POU2F2: variants seen among roughly 807,000 people sequenced by gnomAD.
The protein encoded by POU2F2 is POU class 2 homeobox 2, also known as POU domain, class 2, transcription factor 2.
POU2F2 carries 14 observed loss-of-function variants against 63.5 expected under a neutral mutation model. The ratio of observed to expected loss-of-function variants is 0.22; its 90% CI spans 0.15 to 0.34. POU2F2 has a LOEUF of 0.34. Ranked by LOEUF, POU2F2 falls within the 10% of genes least tolerant of loss-of-function variation. POU2F2 has a pLI of 1.00. For missense variants in POU2F2, 607 were observed against 815.2 expected, an observed-to-expected ratio of 0.74 and a Z score of 3.11; for synonymous variants, 306 against 348.6, an observed-to-expected ratio of 0.88 and a Z score of 1.36.
chr19:42,097,976 G>A (rs1454126508), intron 7 of POU2F2, among the ~76,000 whole-genome samples: 1 of 152,116 alleles, frequency 6.6e-6, no homozygotes, highest in African/African-American at 2.4e-5. Flanking sequence ...AGGTTTTGTT[G>A]TTGTTGTTGT....
rs371257414 is a variant in POU2F2 at position 42,088,497 on chromosome 19, CT to C, written c.*2759del. ...GGTGGTGAGTCCTGGATTTTCTTTC[CT>C]TTTTTTTTTTTTTTTTTCCTTTTTG... On this transcript the variant is annotated 3_prime_UTR_variant, in exon 15 of 15. Coordinates refer to ENST00000692977, the MANE Select transcript of POU2F2 (RefSeq NM_001394376.1). The C allele has an allele frequency of 0.14, 17,838 of 125,572 alleles. 1,439 individuals carry two copies. Among genetic ancestry groups the C allele is most frequent in the Non-Finnish European group, 0.21 (12,445 of 59,190 alleles). The allele number at this position is 125,572 out of a possible 1,614,324, so 7.8% of individuals were successfully genotyped here.
intron 5 of POU2F2, among the ~76,000 whole-genome samples, chr19:42,103,758 A>G (rs1258155222): frequency 6.7e-6 from 1 of 148,362 alleles, no homozygotes; most frequent in African/African-American, 2.5e-5. Flanking sequence ...TCAGCCTCCC[A>G]AGTAGCTGGG....
chr19:42,133,827 C>G (rs1261375918), upstream of POU2F2, among the ~76,000 whole-genome samples: 1 of 152,192 alleles, frequency 6.6e-6, no homozygotes, highest in Admixed American at 6.5e-5. The surrounding 1 kb of genome is among the most constrained non-coding windows in gnomAD (Gnocchi z 5.1). Flanking sequence ...CACTCACACA[C>G]AGGCACACTC....
At chr19:42,164,161 G>A (rs1276866827) in intron 1 of POU2F2, among the ~76,000 whole-genome samples, 1 of 152,100 alleles carries the variant, frequency 6.6e-6, no homozygotes, top group Non-Finnish European at 1.5e-5. Flanking sequence ...GGGTGTGGTG[G>A]TGCGCCTGTA....
chr19:42,167,033 A>T (rs2034666324), intron 1 of POU2F2, among the ~76,000 whole-genome samples: 1 of 152,210 alleles, frequency 6.6e-6, no homozygotes. Context: ...CTAGGGATAC[A>T]ACTATGAACA....
At chr19:42,143,643 G>A (rs2034173021) in intron 2 of POU2F2, among the ~76,000 whole-genome samples, 1 of 152,048 alleles carries the variant, frequency 6.6e-6, no homozygotes, top group Non-Finnish European at 1.5e-5. Context: ...AAGGGCCCCT[G>A]CCCACCTCAA....
intron 2 of POU2F2, among the ~76,000 whole-genome samples, chr19:42,160,020 T>C (rs748403413): frequency 7.2e-5 from 11 of 152,156 alleles, no homozygotes; most frequent in Middle Eastern, 3.4e-3. Context: ...GATTCGAACA[T>C]AGGTGTGCTT....
chr19:42,144,129 G>A (rs572585626), intron 2 of POU2F2, among the ~76,000 whole-genome samples: 1 of 152,278 alleles, frequency 6.6e-6, no homozygotes, highest in South Asian at 2.1e-4. Context: ...TGGGCTGGAT[G>A]GAGCCCTCTT....
At chr19:42,172,771 T>C (rs368830488) in intron 1 of POU2F2, among the ~76,000 whole-genome samples, 1 of 152,226 alleles carries the variant, frequency 6.6e-6, no homozygotes, top group Non-Finnish European at 1.5e-5. Context: ...CCCACATCCT[T>C]AGAGCCCTCA....
chr19:42,116,975 G>C lies in POU2F2; in HGVS notation c.369+275C>G, dbSNP rs769625434. 5.9e-5 allele frequency: 36 copies of C among 611,270 alleles called. No homozygotes were observed. In the Admixed American group the frequency reaches 8.2e-4, roughly 14 times the overall value. The allele number at this position is 611,270 out of a possible 1,614,324, so 37.9% of individuals were successfully genotyped here. On this transcript the variant is annotated intron_variant, in intron 5 of 14. Coordinates refer to ENST00000692977, the MANE Select transcript of POU2F2 (RefSeq NM_001394376.1). ...TGGGCCTGGGCTTGCTGCAGGAGGAGCTGCTGCTGAGCTGGCATCAGTGCC... is the reference window on the plus strand; with the variant it reads ...TGGGCCTGGGCTTGCTGCAGGAGGACCTGCTGCTGAGCTGGCATCAGTGCC...
chr19:42,138,063 C>A (rs1203347635), intron 2 of POU2F2, among the ~76,000 whole-genome samples: 1 of 152,154 alleles, frequency 6.6e-6, no homozygotes. Context: ...AGTGGGACAC[C>A]TGAGAAGGTT....
chr19:42,192,769 C>T (rs2035087632), intron 1 of POU2F2, among the ~76,000 whole-genome samples: 1 of 152,126 alleles, frequency 6.6e-6, no homozygotes, highest in Non-Finnish European at 1.5e-5. Flanking sequence ...CAATGATAAA[C>T]TGCTACACAT....
intron 2 of POU2F2, among the ~76,000 whole-genome samples, chr19:42,154,679 G>C (rs2034423428): frequency 6.6e-6 from 1 of 152,132 alleles, no homozygotes; most frequent in Admixed American, 6.5e-5. Context: ...TAGTGGTGGA[G>C]GGGAGTTGGT....
rs188974980 is a variant in POU2F2, at chr19:42,147,626, G to T, written c.-9+12706C>A. The stretch of plus-strand genomic sequence containing the variant: ...GGAATGAATGACTTAAATGGATCCT[G>T]CATAGGGACAAGCACCTGAGGCAGA... On this transcript the variant is annotated intron_variant, in intron 2 of 6. Coordinates refer to the POU2F2 transcript ENST00000524801. Among the ~76,000 whole-genome samples the T allele has an allele frequency of 7.2e-5, 11 of 152,330 alleles. No individual in the cohort carries two copies. The East Asian group carries it at 2.1e-3, about 29-fold the overall frequency.
At chr19:42,183,524 C>CTG (rs1473712898) in intron 1 of POU2F2, among the ~76,000 whole-genome samples, 3 of 152,138 alleles carry the variant, frequency 2.0e-5, no homozygotes, top group East Asian at 1.9e-4. Context: ...GGTTACACAA[C>CTG]TGTGTGTGTG....
rs75073466 is a variant in POU2F2 at position 42,156,652 on chromosome 19, A to G, written c.-9+3680T>C. On this transcript the variant is annotated intron_variant, in intron 2 of 6. Coordinates refer to the POU2F2 transcript ENST00000524801. The surrounding 1 kb of genome is among the most constrained non-coding windows in gnomAD (Gnocchi z 4.1). ...AGGGGTGTAATTCAGAAGGAGGCAG[A>G]CTGGGCCTGGGGCATGTGGACAAGT... 15,679 of 152,310 alleles carry G rather than the reference A, an allele frequency of 0.1. 965 individuals carry two copies. Among genetic ancestry groups the G allele is most frequent in the Middle Eastern group, 0.2 (59 of 296 alleles). 9.4% of individuals were successfully genotyped at this position (152,310 alleles called of 1,614,324 possible).
chr19:42,103,757 CA>C (rs1382811939), intron 5 of POU2F2, among the ~76,000 whole-genome samples: 1 of 151,732 alleles, frequency 6.6e-6, no homozygotes, highest in Non-Finnish European at 1.5e-5. Flanking sequence ...CTCAGCCTCC[CA>C]AGTAGCTGGG....
In POU2F2 at chr19:42,092,627, A is replaced by C. The variant is rs751438397; in HGVS notation, c.1265-357T>G. Among the ~76,000 whole-genome samples the C allele has an allele frequency of 1.7e-4, 25 of 151,390 alleles. No homozygotes were observed. The highest frequency in any genetic ancestry group is 3.4e-3 in the Middle Eastern group (1 of 290). On this transcript the variant is annotated intron_variant, in intron 12 of 14. Coordinates refer to ENST00000692977, the MANE Select transcript of POU2F2 (RefSeq NM_001394376.1). The surrounding 1 kb of genome is among the most constrained non-coding windows in gnomAD (Gnocchi z 5.0). ...CGAAGGGTGCCAGGCACACTGCCAC[A>C]TCTGAGGGATGGGCAACCTGGCAGG...
chr19:42,170,514 C>T (rs893188153), intron 1 of POU2F2, among the ~76,000 whole-genome samples: 2 of 151,988 alleles, frequency 1.3e-5, no homozygotes, highest in Admixed American at 6.6e-5. Context: ...AACACACACA[C>T]GGACCCAAAA....
Sources: allele counts gnomAD v4.1 joint callset (sites outside exome capture counted in the v4.1 genomes callset), GRCh38; gene constraint gnomAD v4.1.1; non-coding constraint Gnocchi (gnomAD v3.1); transcripts MANE v1.5; gene names NCBI Gene and HGNC (gene_info 2026-07-23, HGNC 2026-07-21).